The following GPHN variants were observed in gnomAD, a reference collection of about 807,000 sequenced individuals.
The protein encoded by GPHN is gephyrin.
In GPHN, 17 loss-of-function variants were observed where a neutral mutation model predicts 95.5. The ratio of observed to expected loss-of-function variants is 0.18; its 90% CI spans 0.12 to 0.27. The LOEUF (loss-of-function observed/expected upper bound fraction) is 0.27. Ranked by LOEUF, GPHN falls within the 10% of genes least tolerant of loss-of-function variation. The probability of loss-of-function intolerance (pLI) is 1.00; values close to 1 mark genes in which losing one functional copy is unlikely to be tolerated. For missense variants in GPHN, 660 were observed against 978.1 expected (o/e 0.67, Z 4.34); for synonymous variants, 320 against 322.5 (o/e 0.99, Z 0.08).
intron 2 of GPHN, among the ~76,000 whole-genome samples, chr14:66,706,935 G>C (rs982153593): frequency 1.3e-5 from 2 of 151,370 alleles, no homozygotes; most frequent in South Asian, 4.2e-4. Context: ...CTAATATCCA[G>C]AATTCATAAG....
chr14:66,989,900 C>T (rs1187530120), intron 9 of GPHN, among the ~76,000 whole-genome samples: 1 of 152,102 alleles, frequency 6.6e-6, no homozygotes. Context: ...AGTAAATTGG[C>T]ATTCGGTGAT....
chr14:67,493,000 G>A, the GPHN span, among the ~76,000 whole-genome samples: 1 of 152,212 alleles, frequency 6.6e-6, no homozygotes, highest in Admixed American at 6.5e-5. Context: ...GCTGGAAGGT[G>A]AGTCTTAAAT....
intron 1 of GPHN, among the ~76,000 whole-genome samples, chr14:66,621,674 G>A (rs1037401684): frequency 1.3e-5 from 2 of 152,216 alleles, no homozygotes; most frequent in Middle Eastern, 3.4e-3. Context: ...CCACCGCCTC[G>A]GCCTCCCAAA....
the GPHN span, chr14:67,580,909 TTC>T: frequency 6.8e-7 from 1 of 1,465,012 alleles, no homozygotes; most frequent in Non-Finnish European, 9.6e-7. Flanking sequence ...TCAGGAAATT[TTC>T]TGACTTTCTT....
chr14:66,859,205 C>T (rs1427226479), intron 4 of GPHN, among the ~76,000 whole-genome samples: 1 of 152,044 alleles, frequency 6.6e-6, no homozygotes, highest in African/African-American at 2.4e-5. Flanking sequence ...TGGGTAAGAC[C>T]CAGTGCTGTG....
At chr14:66,671,077 A>G (rs1201451960) in intron 1 of GPHN, among the ~76,000 whole-genome samples, 4 of 152,224 alleles carry the variant, frequency 2.6e-5, no homozygotes, top group Admixed American at 1.3e-4. Context: ...TTAGTTGCAC[A>G]TGTTCATCTG....
chr14:67,325,979 C>CTTTTTTTTTTTTTTTTTTTTT, the GPHN span, among the ~76,000 whole-genome samples: 1 of 110,222 alleles, frequency 9.1e-6, no homozygotes, highest in African/African-American at 3.9e-5. Flanking sequence ...CGGCTCTTTT[C>CTTTTTTTTTTTTTTTTTTTTT]TTTTTTTTTT....
chr14:66,639,183 TATTA>T (rs1248213635), intron 1 of GPHN, among the ~76,000 whole-genome samples: 1 of 151,034 alleles, frequency 6.6e-6, no homozygotes, highest in Non-Finnish European at 1.5e-5. Context: ...ATGAAAAAAT[TATTA>T]ATTGGTAATT....
the GPHN span, among the ~76,000 whole-genome samples, chr14:67,395,913 C>T: frequency 4.6e-5 from 7 of 152,212 alleles, no homozygotes; most frequent in African/African-American, 1.7e-4. Flanking sequence ...AGGGAAATGC[C>T]CAGGCTTTAA....
At chr14:67,202,307 G>A in the GPHN span, among the ~76,000 whole-genome samples, 53 of 152,236 alleles carry the variant, frequency 3.5e-4, 2 homozygotes, top group South Asian at 0.011. Context: ...CGGGCTTGGT[G>A]GCATGTGCCT....
intron 1 of GPHN, among the ~76,000 whole-genome samples, chr14:66,556,545 G>C (rs1352029416): frequency 6.6e-6 from 1 of 152,094 alleles, no homozygotes; most frequent in African/African-American, 2.4e-5. Flanking sequence ...AAATAATCCT[G>C]CTAGATATTT....
At chr14:67,390,550 C>T in the GPHN span, 60 of 746,642 alleles carry the variant, frequency 8.0e-5, no homozygotes, top group South Asian at 3.0e-5. Flanking sequence ...GCAGACTTTA[C>T]GGCGGGTGCC....
intron 19 of GPHN, among the ~76,000 whole-genome samples, chr14:67,162,589 A>G (rs1291091626): frequency 6.6e-6 from 1 of 152,230 alleles, no homozygotes; most frequent in East Asian, 1.9e-4. Context: ...TGCGTCATCT[A>G]CAGTGAGCAT....
intron 2 of GPHN, among the ~76,000 whole-genome samples, chr14:66,737,994 A>G (rs1361995971): frequency 1.3e-5 from 2 of 152,220 alleles, no homozygotes; most frequent in Non-Finnish European, 2.9e-5. Flanking sequence ...CACTTTACCC[A>G]AAAGTAGAAT....
At chr14:66,932,483 G>GTTTTTTTTTTTTT (rs2066879148) in intron 8 of GPHN, among the ~76,000 whole-genome samples, 1 of 40,588 alleles carries the variant, frequency 2.5e-5, no homozygotes, top group Non-Finnish European at 4.9e-5. Context: ...TTTTTTTTCA[G>GTTTTTTTTTTTTT]TGCAGCAGGT....
intron 10 of GPHN, among the ~76,000 whole-genome samples, chr14:67,027,478 G>A (rs1594861211): frequency 6.6e-6 from 1 of 151,988 alleles, no homozygotes; most frequent in African/African-American, 2.4e-5. Context: ...CTACAGGCTT[G>A]TGCCACCATG....
intron 10 of GPHN, among the ~76,000 whole-genome samples, chr14:67,046,680 G>C (rs1033489419): frequency 6.6e-6 from 1 of 151,900 alleles, no homozygotes; most frequent in African/African-American, 2.4e-5. Context: ...ATGCTTTTTT[G>C]GTTTTGTCAG....
At chr14:67,359,505 C>T in the GPHN span, among the ~76,000 whole-genome samples, 1 of 152,188 alleles carries the variant, frequency 6.6e-6, no homozygotes, top group African/African-American at 2.4e-5. Flanking sequence ...AAGAGGCCGT[C>T]AGGAAGCCTC....
intron 1 of GPHN, among the ~76,000 whole-genome samples, chr14:66,519,009 A>G (rs1247916713): frequency 3.3e-5 from 5 of 152,002 alleles, no homozygotes; most frequent in Admixed American, 3.3e-4. Flanking sequence ...GAAATGATAA[A>G]TGTTCAAGAT....
Sources: gnomAD v4.1 joint callset for allele counts (sites outside exome capture counted in the v4.1 genomes callset) on GRCh38, gnomAD v4.1.1 for gene constraint, MANE v1.5 for transcripts, NCBI Gene and HGNC (gene_info 2026-07-23, HGNC 2026-07-21) for gene names.